Variants in TMEM123 observed in about 807,000 individuals in gnomAD.
The protein encoded by TMEM123 is transmembrane protein 123.
A neutral mutation model predicts 19.7 loss-of-function variants in TMEM123; 16 were observed. That is an observed-to-expected ratio of 0.81 (90% CI 0.55 to 1.23). TMEM123 has a LOEUF of 1.23. Among genes scored for constraint, TMEM123 ranks in the 50% most tolerant of loss-of-function variants. The probability of loss-of-function intolerance (pLI) is 0.00; values close to 1 mark genes in which losing one functional copy is unlikely to be tolerated. For synonymous variants in TMEM123, 118 were observed against 99.4 expected, an observed-to-expected ratio of 1.19 and a Z score of -1.12; for missense variants, 313 against 257.8, an observed-to-expected ratio of 1.21 and a Z score of -1.47.
chr11:102,400,780 T>C (rs890281078), intron 4 of TMEM123, among the ~76,000 whole-genome samples: 1 of 152,218 alleles, frequency 6.6e-6, no homozygotes, highest in Admixed American at 6.5e-5. Flanking sequence ...TCAACCATGG[T>C]GGCACCCTGA....
intron 3 of TMEM123, 108 bp downstream of exon 3, chr11:102,401,808 C>A: frequency 6.7e-7 from 1 of 1,494,148 alleles, no homozygotes; most frequent in Non-Finnish European, 9.0e-7. Flanking sequence ...TAAGGGAAAT[C>A]TAGGCATATA....
intron 2 of TMEM123, 145 bp from the exon 3 acceptor site, chr11:102,402,351 G>GAGA: frequency 1.4e-6 from 1 of 735,360 alleles, no homozygotes; most frequent in Non-Finnish European, 2.1e-6. Context: ...TTAATACTTT[G>GAGA]CACTATACTG....
chr11:102,417,410 C>G (rs1201457349), intron 2 of TMEM123, among the ~76,000 whole-genome samples: 2 of 152,012 alleles, frequency 1.3e-5, no homozygotes, highest in African/African-American at 4.8e-5. Flanking sequence ...CACTCCCTTC[C>G]CCCACCACAA....
At chr11:102,446,481 G>A (rs932376695) in intron 2 of TMEM123, among the ~76,000 whole-genome samples, 16 of 152,170 alleles carry the variant, frequency 1.1e-4, no homozygotes, top group Admixed American at 4.6e-4. Flanking sequence ...AAAAACAGCT[G>A]TAATAATGTA....
intron 2 of TMEM123, among the ~76,000 whole-genome samples, chr11:102,422,038 T>G (rs1446420533): frequency 6.6e-6 from 1 of 152,232 alleles, no homozygotes; most frequent in Non-Finnish European, 1.5e-5. Flanking sequence ...TTAACAAAAA[T>G]CTACCTGAAT....
At chr11:102,435,432 A>G (rs1222793267) in intron 2 of TMEM123, among the ~76,000 whole-genome samples, 1 of 151,976 alleles carries the variant, frequency 6.6e-6, no homozygotes, top group East Asian at 1.9e-4. Context: ...AAAACCGTAC[A>G]ACAACAAGGA....
chr11:102,407,102 A>G (rs1951962593), intron 2 of TMEM123, among the ~76,000 whole-genome samples: 1 of 152,122 alleles, frequency 6.6e-6, no homozygotes, highest in Non-Finnish European at 1.5e-5. Flanking sequence ...GCCATCAACC[A>G]AACAGCTTTT....
intron 2 of TMEM123, among the ~76,000 whole-genome samples, chr11:102,445,692 C>G (rs9971623): frequency 0.013 from 1,909 of 152,240 alleles, 43 homozygotes; most frequent in African/African-American, 0.043. Context: ...CTGTAGAAAT[C>G]TAAATGCAAG....
At chr11:102,403,480 T>A (rs1283075172) in intron 2 of TMEM123, among the ~76,000 whole-genome samples, 1 of 152,244 alleles carries the variant, frequency 6.6e-6, no homozygotes, top group Non-Finnish European at 1.5e-5. Flanking sequence ...CAACTATAGG[T>A]ACCTATTAGG....
chr11:102,402,376 A>C (rs2135842022), intron 2 of TMEM123, among the ~76,000 whole-genome samples, 170 bp from the exon 3 acceptor site: 1 of 152,304 alleles, frequency 6.6e-6, no homozygotes, highest in South Asian at 2.1e-4. Flanking sequence ...AAAATGTCTC[A>C]AACTAGTAAA....
At chr11:102,439,317 A>C (rs1052176872) in intron 2 of TMEM123, among the ~76,000 whole-genome samples, 2 of 152,000 alleles carry the variant, frequency 1.3e-5, no homozygotes, top group Admixed American at 1.3e-4. Flanking sequence ...CTGACCCCCG[A>C]GAAGCCTAAC....
At chr11:102,413,086 C>T (rs1952017754) in intron 2 of TMEM123, among the ~76,000 whole-genome samples, 1 of 152,060 alleles carries the variant, frequency 6.6e-6, no homozygotes, top group Non-Finnish European at 1.5e-5. Flanking sequence ...AGCAAAAATG[C>T]ATATATTGGA....
rs150502881 is a variant in TMEM123, at chr11:102,406,021, C to T, written c.158-3815G>A. On this transcript the variant is annotated intron_variant, in intron 2 of 4. Coordinates refer to ENST00000398136, the MANE Select transcript of TMEM123 (RefSeq NM_052932.3). ...CACTTGTTTTCCTCTGCAAATGATA[C>T]CATCCCAACTCTGGTCTTCTTCCCT... Among the ~76,000 whole-genome samples the T allele has an allele frequency of 3.4e-3, 516 of 152,302 alleles. 4 individuals carry two copies. The highest frequency in any genetic ancestry group is 0.012 in the African/African-American group (492 of 41,544).
At chr11:102,411,068 A>AC (rs557155377) in intron 2 of TMEM123, among the ~76,000 whole-genome samples, 17 of 151,048 alleles carry the variant, frequency 1.1e-4, no homozygotes, top group South Asian at 8.4e-4. Flanking sequence ...ATTCATGAGG[A>AC]CCCCCCCTTT....
At chr11:102,431,072 T>C (rs1022163737) in intron 2 of TMEM123, among the ~76,000 whole-genome samples, 4 of 152,174 alleles carry the variant, frequency 2.6e-5, no homozygotes, top group African/African-American at 4.8e-5. Flanking sequence ...ATAACCATAA[T>C]GAAATGTTTT....
intron 4 of TMEM123, among the ~76,000 whole-genome samples, chr11:102,401,238 C>G (rs189516160): frequency 5.3e-5 from 8 of 152,244 alleles, no homozygotes; most frequent in Middle Eastern, 6.8e-3. Context: ...GTATTTCTTA[C>G]GATTATTGGT....
Position 102,398,311 on chromosome 11 carries a change from T to C in TMEM123, c.*556A>G. ...GAAAATTTTCTTTTTCTTGGAGTATTTTGTTTCTAGACCAACTACTACAGT... is the reference window on the plus strand; with the variant it reads ...GAAAATTTTCTTTTTCTTGGAGTATCTTGTTTCTAGACCAACTACTACAGT... On this transcript the variant is annotated 3_prime_UTR_variant, in exon 5 of 5. Transcript: ENST00000398136. 1 of 338,864 alleles carries C rather than the reference T, an allele frequency of 3.0e-6. No homozygotes were observed. The highest frequency in any genetic ancestry group is 5.3e-6 in the Non-Finnish European group (1 of 189,698). 21.0% of individuals were successfully genotyped at this position (338,864 alleles called of 1,614,324 possible). A position where few individuals can be genotyped will look rare whatever the true frequency, so the allele number is the denominator to read the frequency against.
chr11:102,438,481 T>G (rs527357273), intron 2 of TMEM123, among the ~76,000 whole-genome samples: 1 of 152,366 alleles, frequency 6.6e-6, no homozygotes, highest in East Asian at 1.9e-4. Flanking sequence ...CTTCATGCCT[T>G]GTGCCTAAAA....
At chr11:102,435,246 A>C (rs1036508556) in intron 2 of TMEM123, among the ~76,000 whole-genome samples, 3 of 151,958 alleles carry the variant, frequency 2.0e-5, no homozygotes, top group African/African-American at 7.2e-5. Context: ...ACAGACACAG[A>C]CAAGCTAACA....
Sources: allele counts gnomAD v4.1 joint callset (sites outside exome capture counted in the v4.1 genomes callset), GRCh38; gene constraint gnomAD v4.1.1; transcripts MANE v1.5; gene names NCBI Gene and HGNC (gene_info 2026-07-23, HGNC 2026-07-21).